CPA6: variants seen among roughly 807,000 people sequenced by gnomAD.
The protein encoded by CPA6 is carboxypeptidase A6, also known as carboxypeptidase B.
Under a neutral mutation model 63.3 loss-of-function variants are expected in CPA6, and 58 were observed. The observed-to-expected ratio is 0.92, with a 90% CI of 0.74 to 1.14. The LOEUF (loss-of-function observed/expected upper bound fraction) is 1.14. Among genes scored for constraint, CPA6 ranks in the 50% most tolerant of loss-of-function variants. The probability of loss-of-function intolerance (pLI) is 0.00; values close to 1 mark genes in which losing one functional copy is unlikely to be tolerated. For missense variants in CPA6, 565 were observed against 526.6 expected (o/e 1.07, Z -0.71); for synonymous variants, 185 against 179.0 (o/e 1.03, Z -0.27).
chr8:67,550,594 G>C (rs1022087804), intron 2 of CPA6, among the ~76,000 whole-genome samples: 45 of 152,140 alleles, frequency 3.0e-4, no homozygotes, highest in African/African-American at 1.1e-3. Flanking sequence ...GTAGTCCTAA[G>C]TTCTCTGAGA....
intron 1 of CPA6, among the ~76,000 whole-genome samples, chr8:67,644,188 G>C (rs1008945502): frequency 1.3e-5 from 2 of 151,000 alleles, no homozygotes; most frequent in Admixed American, 1.3e-4. Flanking sequence ...GCGCCATTTC[G>C]GCTCACTGCA....
Position 67,434,113 on chromosome 8 carries a change from G to A in CPA6, c.966C>T (p.Ser322=), listed in dbSNP as rs778325977. 7 of 1,613,856 alleles carry A rather than the reference G, an allele frequency of 4.3e-6. No individual in the cohort carries two copies. The East Asian group carries it at 1.6e-4, about 36-fold the overall frequency. Residue 322 remains serine (S), a synonymous_variant, in exon 9 of 11, where the codon TCC becomes TCT. Transcript: ENST00000297770. ...KHRKHIRAYL[S]FHAYAQMLLY... is the part of the protein sequence containing the mutation. ...GTAACATCTGAGCATATGCATGAAAGGAGAGATAAGCCCTAATGTGCTTTC... is the reference window on the plus strand; with the variant it reads ...GTAACATCTGAGCATATGCATGAAAAGAGAGATAAGCCCTAATGTGCTTTC...
intron 1 of CPA6, among the ~76,000 whole-genome samples, chr8:67,647,415 A>G (rs373438829): frequency 6.6e-5 from 10 of 152,084 alleles, no homozygotes; most frequent in African/African-American, 2.2e-4. Context: ...GATTCAAGCA[A>G]TTCTCTTGCC....
Position 67,612,486 on chromosome 8 carries a change from C to T in CPA6, c.192+11690G>A, listed in dbSNP as rs561935404. On this transcript the variant is annotated intron_variant, in intron 2 of 10. Transcript: ENST00000297770. ...ATGCTTCATGCTCTCTGTACCTTCT[C>T]CTTTCTTCTTTCTCAATATGATGCT... 3.3e-5 allele frequency among the ~76,000 whole-genome samples: 5 copies of T among 152,292 alleles called. No individual in the cohort carries two copies. The East Asian group carries it at 9.6e-4, about 29-fold the overall frequency.
intron 8 of CPA6, among the ~76,000 whole-genome samples, chr8:67,442,694 C>T (rs1432905108): frequency 6.6e-6 from 1 of 152,162 alleles, no homozygotes; most frequent in African/African-American, 2.4e-5. Flanking sequence ...GTAGTGTTCT[C>T]TAGGCAGTGA....
At chr8:67,606,286 C>G (rs1456966371) in intron 2 of CPA6, among the ~76,000 whole-genome samples, 1 of 151,744 alleles carries the variant, frequency 6.6e-6, no homozygotes, top group Non-Finnish European at 1.5e-5. Flanking sequence ...ACATATGTAA[C>G]AAACCTGCAC....
At chr8:67,635,703 G>T (rs1257387816) in intron 1 of CPA6, among the ~76,000 whole-genome samples, 4 of 151,702 alleles carry the variant, frequency 2.6e-5, no homozygotes, top group South Asian at 4.1e-4. Flanking sequence ...GGAGGTGGAG[G>T]TTGCAGTGAG....
chr8:67,645,555 C>T (rs1007684658), intron 1 of CPA6, among the ~76,000 whole-genome samples: 2 of 152,126 alleles, frequency 1.3e-5, no homozygotes, highest in Non-Finnish European at 2.9e-5. Flanking sequence ...ATTTTCCTGA[C>T]AGAAAGTAAG....
At chr8:67,499,795 G>T (rs992560137) in intron 6 of CPA6, among the ~76,000 whole-genome samples, 56 of 152,254 alleles carry the variant, frequency 3.7e-4, no homozygotes, top group African/African-American at 1.3e-3. Flanking sequence ...ATTCTCTGGA[G>T]ATTCATCCAG....
At chr8:67,644,666 G>A (rs950509297) in intron 1 of CPA6, among the ~76,000 whole-genome samples, 1 of 152,176 alleles carries the variant, frequency 6.6e-6, no homozygotes, top group African/African-American at 2.4e-5. Context: ...TAGGATTTGG[G>A]AGTAGTATTT....
rs150971997 is a variant in CPA6 at position 67,516,754 on chromosome 8, C to A, written c.317+1169G>T. ...ACCCATCTCTTTCTTTAAAGTCTTT[C>A]TTTTCTTTTTCAGCTCCTCTGACTG... On this transcript the variant is annotated intron_variant, in intron 3 of 10. Coordinates refer to ENST00000297770, the MANE Select transcript of CPA6 (RefSeq NM_020361.5). Among the ~76,000 whole-genome samples, 449 of 152,214 alleles carry A rather than the reference C, an allele frequency of 2.9e-3. 2 individuals carry two copies. Among genetic ancestry groups the A allele is most frequent in the African/African-American group, 9.1e-3 (378 of 41,538 alleles).
chr8:67,535,246 G>C (rs1812561127), intron 2 of CPA6, among the ~76,000 whole-genome samples: 1 of 152,090 alleles, frequency 6.6e-6, no homozygotes, highest in Admixed American at 6.5e-5. Context: ...TGGGTCAAAT[G>C]GTATTCCTGG....
chr8:67,732,918 C>T (rs530818776), intron 1 of CPA6, among the ~76,000 whole-genome samples: 1 of 151,898 alleles, frequency 6.6e-6, no homozygotes, highest in African/African-American at 2.4e-5. Flanking sequence ...AGCTTCTTGC[C>T]GGGCGTGGTG....
intron 9 of CPA6, among the ~76,000 whole-genome samples, chr8:67,431,911 A>T (rs1055386458): frequency 3.9e-5 from 6 of 152,198 alleles, no homozygotes; most frequent in African/African-American, 7.2e-5. Context: ...AGCCCCAAGC[A>T]ATTGGTGCAG....
At chr8:67,703,439 T>G (rs1817066764) in intron 1 of CPA6, among the ~76,000 whole-genome samples, 1 of 152,170 alleles carries the variant, frequency 6.6e-6, no homozygotes, top group Non-Finnish European at 1.5e-5. Context: ...CAACTAAAAT[T>G]GGATCTTTCC....
intron 1 of CPA6, among the ~76,000 whole-genome samples, chr8:67,668,643 G>C (rs1382405768): frequency 6.6e-6 from 1 of 152,122 alleles, no homozygotes; most frequent in South Asian, 2.1e-4. Context: ...GGATTGATTT[G>C]TTTCAGAGTT....
At chr8:67,729,092 A>C (rs1018851365) in intron 1 of CPA6, among the ~76,000 whole-genome samples, 1 of 152,222 alleles carries the variant, frequency 6.6e-6, no homozygotes, top group Non-Finnish European at 1.5e-5. Context: ...TCCTGAAAGC[A>C]TGGTGCCTGA....
chr8:67,718,649 G>A (rs187940358), intron 1 of CPA6, among the ~76,000 whole-genome samples: 38 of 141,054 alleles, frequency 2.7e-4, no homozygotes, highest in African/African-American at 9.3e-4. Flanking sequence ...GACAGCTGAA[G>A]TTTTTTTTTT....
chr8:67,685,090 G>A (rs1489339979), intron 1 of CPA6, among the ~76,000 whole-genome samples: 1 of 152,124 alleles, frequency 6.6e-6, no homozygotes, highest in Non-Finnish European at 1.5e-5. Flanking sequence ...GCCCTAAATA[G>A]TCTTTCTTAC....
Sources: gnomAD v4.1 joint callset for allele counts (sites outside exome capture counted in the v4.1 genomes callset) on GRCh38, gnomAD v4.1.1 for gene constraint, MANE v1.5 for transcripts, NCBI Gene and HGNC (gene_info 2026-07-23, HGNC 2026-07-21) for gene names.